The following GALNT10 variants were observed in gnomAD, a reference collection of about 807,000 sequenced individuals.
GALNT10 encodes the protein polypeptide N-acetylgalactosaminyltransferase 10.
GALNT10 carries 41 observed loss-of-function variants against 75.0 expected under a neutral mutation model. That is an observed-to-expected ratio of 0.55 (90% CI 0.43 to 0.71). The LOEUF is 0.71. GALNT10 is among the 30% of genes least tolerant of loss of function. The pLI is 0.00. For missense variants in GALNT10, 727 were observed against 818.5 expected (o/e 0.89, Z 1.36); for synonymous variants, 302 against 313.0 (o/e 0.96, Z 0.37).
intron 5 of GALNT10, among the ~76,000 whole-genome samples, chr5:154,377,211 T>C (rs1269457305): frequency 6.6e-6 from 1 of 152,080 alleles, no homozygotes; most frequent in Non-Finnish European, 1.5e-5. Flanking sequence ...CAGGCCTGAA[T>C]CTTGAGGAGT....
At position 154,191,018 on chromosome 5, in the gene GALNT10, C is replaced by T. The variant is rs1232535027; in HGVS notation, c.152C>T (p.Ala51Val). ...GGSGAAVAPA[A>V]GQGSHSRQKK... Reference sequence around the variant, plus strand: ...TCGGGGGCGGCGGTGGCGCCGGCGGCGGGACAGGTGAGTCCCCCCGTTGCT... The same window carrying T: ...TCGGGGGCGGCGGTGGCGCCGGCGGTGGGACAGGTGAGTCCCCCCGTTGCT... Residue 51 changes from alanine (A) to valine (V), a missense_variant, in exon 1 of 12, where the codon GCG (alanine) becomes GTG (valine). Ala to Val is a moderately conservative substitution (Grantham distance 64, BLOSUM62 0). Coordinates refer to ENST00000297107, the MANE Select transcript of GALNT10 (RefSeq NM_198321.4). 2.1e-6 allele frequency: 3 copies of T among 1,451,772 alleles called. No homozygotes were observed. The highest frequency in any genetic ancestry group is 2.9e-5 in the African/African-American group (2 of 69,396). The allele number at this position is 1,451,772 out of a possible 1,614,324, so 89.9% of individuals were successfully genotyped here. A position where few individuals can be genotyped will look rare whatever the true frequency, so the allele number is the denominator to read the frequency against.
chr5:154,398,926 T>C (rs1756102458), intron 7 of GALNT10, among the ~76,000 whole-genome samples: 1 of 152,170 alleles, frequency 6.6e-6, no homozygotes. Context: ...AGGCGCTCTG[T>C]AATTTCAGGG....
intron 3 of GALNT10, among the ~76,000 whole-genome samples, chr5:154,302,796 ATATAC>A (rs1375245000): frequency 3.3e-5 from 5 of 152,226 alleles, no homozygotes; most frequent in African/African-American, 1.2e-4. Context: ...AATTTATGAC[ATATAC>A]TAAATGTCCT....
At position 154,402,077 on chromosome 5, in the gene GALNT10, A is replaced by G. The variant is rs1756178903; in HGVS notation, c.1057-2027A>G. On this transcript the variant is annotated intron_variant, in intron 7 of 11. Coordinates refer to ENST00000297107, the MANE Select transcript of GALNT10 (RefSeq NM_198321.4). The surrounding 1 kb of genome is among the most constrained non-coding windows in gnomAD (Gnocchi z 4.2). Reference sequence around the variant, plus strand: ...GCCTACTCTCCCTGAGGCCTGCCCCATCAGGCTGTTCTCCACCCCACTGGC... The same window carrying G: ...GCCTACTCTCCCTGAGGCCTGCCCCGTCAGGCTGTTCTCCACCCCACTGGC... 6.6e-6 allele frequency among the ~76,000 whole-genome samples: 1 copy of G among 152,186 alleles called. No homozygotes were observed. The highest frequency in any genetic ancestry group is 1.5e-5 in the Non-Finnish European group (1 of 68,026).
At chr5:154,310,096 G>A (rs1431843510) in intron 3 of GALNT10, among the ~76,000 whole-genome samples, 1 of 152,202 alleles carries the variant, frequency 6.6e-6, no homozygotes. Context: ...AATGACGGGA[G>A]TCTGCACCCG....
At chr5:154,381,051 GA>G (rs1280936689) in intron 6 of GALNT10, among the ~76,000 whole-genome samples, 3 of 152,160 alleles carry the variant, frequency 2.0e-5, no homozygotes, top group South Asian at 2.1e-4. Context: ...TCCAAATGGG[GA>G]CACCAATGCT....
intron 7 of GALNT10, among the ~76,000 whole-genome samples, chr5:154,396,165 G>A (rs1297924559): frequency 6.6e-6 from 1 of 151,788 alleles, no homozygotes; most frequent in Non-Finnish European, 1.5e-5. Context: ...TTCCAGCATG[G>A]TTTTTAGAAC....
chr5:154,218,364 G>A (rs4958715), intron 1 of GALNT10, among the ~76,000 whole-genome samples: 61,702 of 151,932 alleles, frequency 0.41, 13,515 homozygotes, highest in East Asian at 0.84. Context: ...CAATAGCAGT[G>A]AAGAGCCGTG....
intron 10 of GALNT10, among the ~76,000 whole-genome samples, chr5:154,414,843 A>C (rs1015366107): frequency 1.3e-5 from 2 of 152,188 alleles, no homozygotes; most frequent in Non-Finnish European, 2.9e-5. Flanking sequence ...AAGAATCCTG[A>C]GCAGGCACGG....
chr5:154,373,485 C>T (rs943486859), intron 4 of GALNT10, among the ~76,000 whole-genome samples: 1 of 152,110 alleles, frequency 6.6e-6, no homozygotes, highest in African/African-American at 2.4e-5. Flanking sequence ...TTGAGCAGCT[C>T]GTATCATCCA....
intron 4 of GALNT10, among the ~76,000 whole-genome samples, chr5:154,350,892 A>C (rs112343914): frequency 1.4e-3 from 208 of 152,314 alleles, no homozygotes; most frequent in African/African-American, 4.7e-3. Context: ...GTACACCAGA[A>C]TCACCAGGAG....
At chr5:154,284,322 G>A (rs1053355332) in intron 1 of GALNT10, among the ~76,000 whole-genome samples, 1 of 152,254 alleles carries the variant, frequency 6.6e-6, no homozygotes, top group African/African-American at 2.4e-5. Context: ...TGCCAAAGCA[G>A]ATGGTCTTCT....
At chr5:154,321,178 T>G (rs1754667409) in intron 3 of GALNT10, among the ~76,000 whole-genome samples, 1 of 152,242 alleles carries the variant, frequency 6.6e-6, no homozygotes, top group South Asian at 2.1e-4. Flanking sequence ...CTATACGTTT[T>G]GATGCATTTC....
intron 1 of GALNT10, among the ~76,000 whole-genome samples, chr5:154,198,085 G>A (rs1774972943): frequency 6.6e-6 from 1 of 152,172 alleles, no homozygotes; most frequent in Non-Finnish European, 1.5e-5. Flanking sequence ...GTCATGTGGT[G>A]GTGGTGTGTG....
intron 1 of GALNT10, among the ~76,000 whole-genome samples, chr5:154,250,231 C>T (rs1581938751): frequency 6.6e-6 from 1 of 152,178 alleles, no homozygotes. Context: ...TCCTTTGGAC[C>T]ACTGATGGCA....
intron 4 of GALNT10, among the ~76,000 whole-genome samples, chr5:154,335,323 A>T (rs185273801): frequency 9.0e-4 from 137 of 152,312 alleles, no homozygotes; most frequent in African/African-American, 3.1e-3. Context: ...GTAGGCCTAG[A>T]GGAGGTAAGG....
rs1554102724 is a variant in GALNT10 at position 154,416,475 on chromosome 5, G to GCACACACA, written c.1654-335_1654-334insCACACACA. On this transcript the variant is annotated intron_variant, in intron 11 of 11. Coordinates refer to ENST00000297107, the MANE Select transcript of GALNT10 (RefSeq NM_198321.4). The surrounding 1 kb of genome is among the most constrained non-coding windows in gnomAD (Gnocchi z 4.5). ...TAAAAAAATAAAAGATAAAAGGAAA[G>GCACACACA]CACATACACACACACACACACACAC... is the stretch of plus-strand genomic sequence containing the variant. Among the ~76,000 whole-genome samples the GCACACACA allele has an allele frequency of 1.2e-4, 5 of 40,268 alleles. No homozygotes were observed. Among genetic ancestry groups the GCACACACA allele is most frequent in the East Asian group, 1.0e-3 (1 of 992 alleles). 26.4% of individuals were successfully genotyped at this position (40,268 alleles called of 152,430 possible).
chr5:154,195,026 G>T (rs1171249901), intron 1 of GALNT10, among the ~76,000 whole-genome samples: 1 of 152,196 alleles, frequency 6.6e-6, no homozygotes. Context: ...CTTTTCTCAG[G>T]CTGTAGTCTA....
At chr5:154,282,239 G>A (rs757661335) in intron 1 of GALNT10, among the ~76,000 whole-genome samples, 106 of 152,268 alleles carry the variant, frequency 7.0e-4, no homozygotes, top group Non-Finnish European at 1.2e-3. Flanking sequence ...TAATCCATTC[G>A]TCAGGGCAGA....
Sources: allele counts gnomAD v4.1 joint callset (sites outside exome capture counted in the v4.1 genomes callset), GRCh38; gene constraint gnomAD v4.1.1; non-coding constraint Gnocchi (gnomAD v3.1); transcripts MANE v1.5; gene names NCBI Gene and HGNC (gene_info 2026-07-23, HGNC 2026-07-21).